Variants in USP32 observed in about 807,000 individuals in gnomAD.
The protein encoded by USP32 is ubiquitin specific peptidase 32, also known as ubiquitin carboxyl-terminal hydrolase 32.
Under a neutral mutation model 204.8 loss-of-function variants are expected in USP32, and 59 were observed. That is an observed-to-expected ratio of 0.29 (90% CI 0.23 to 0.36). USP32 has a LOEUF of 0.36. Ranked by LOEUF, USP32 falls within the 10% of genes least tolerant of loss-of-function variation. The pLI, the probability that USP32 is intolerant of heterozygous loss-of-function variation, is 1.00. For synonymous variants in USP32, 517 were observed against 678.4 expected, an observed-to-expected ratio of 0.76 and a Z score of 3.70; for missense variants, 1,160 against 1,946.4, an observed-to-expected ratio of 0.60 and a Z score of 7.60.
chr17:60,382,056 A>G (rs943279760), intron 1 of USP32, among the ~76,000 whole-genome samples: 7 of 152,212 alleles, frequency 4.6e-5, no homozygotes. Context: ...AAACCCTGAC[A>G]AGATTTAGTG....
intron 1 of USP32, among the ~76,000 whole-genome samples, chr17:60,420,625 C>A (rs1161335287): frequency 6.6e-6 from 1 of 152,196 alleles, no homozygotes; most frequent in East Asian, 1.9e-4. Flanking sequence ...CGAGATCACG[C>A]CATTGCTCCA....
At chr17:60,282,689 T>C (rs1432565523) in intron 5 of USP32, among the ~76,000 whole-genome samples, 1 of 152,222 alleles carries the variant, frequency 6.6e-6, no homozygotes, top group Non-Finnish European at 1.5e-5. Context: ...CCCCATGCTA[T>C]GAAGTTGTTA....
intron 26 of USP32, among the ~76,000 whole-genome samples, chr17:60,203,729 AC>A (rs1258589848): frequency 6.6e-6 from 1 of 152,052 alleles, no homozygotes; most frequent in Admixed American, 6.6e-5. Flanking sequence ...GGCGTGTGCC[AC>A]CATGCCTGGC....
chr17:60,333,044 T>A (rs1235346096), intron 2 of USP32, among the ~76,000 whole-genome samples: 1 of 152,120 alleles, frequency 6.6e-6, no homozygotes, highest in Non-Finnish European at 1.5e-5. Flanking sequence ...TGAAAAAAAA[T>A]TACTGGTATC....
chr17:60,388,171 C>T (rs778745063), intron 1 of USP32, among the ~76,000 whole-genome samples: 2 of 152,068 alleles, frequency 1.3e-5, no homozygotes, highest in Non-Finnish European at 2.9e-5. Flanking sequence ...GTTCATCACT[C>T]AGCTACTAAG....
rs758528054 is a variant in USP32, at chr17:60,368,991, A to ATTTTTTTTTTTTTTTTTT, written c.58+22873_58+22890dup. 2.6e-3 allele frequency among the ~76,000 whole-genome samples: 298 copies of ATTTTTTTTTTTTTTTTTT among 114,070 alleles called. 12 individuals are homozygous for ATTTTTTTTTTTTTTTTTT. Among genetic ancestry groups the ATTTTTTTTTTTTTTTTTT allele is most frequent in the African/African-American group, 5.4e-3 (105 of 19,576 alleles). The allele number at this position is 114,070 out of a possible 152,430, so 74.8% of individuals were successfully genotyped here. A position where few individuals can be genotyped will look rare whatever the true frequency, so the allele number is the denominator to read the frequency against. ...ACATACACGAATTATTTTTTAAAAG[A>ATTTTTTTTTTTTTTTTTT]TTTTTTTTTTTTTTTTTTTTTGAGA... is the stretch of plus-strand genomic sequence containing the variant. On this transcript the variant is annotated intron_variant, in intron 1 of 33. Transcript: ENST00000300896.
At position 60,265,410 on chromosome 17, in the gene USP32, A is replaced by C; in HGVS notation, c.990+2T>G. 6.3e-7 allele frequency: 1 copy of C among 1,592,720 alleles called. No homozygotes were observed. Among genetic ancestry groups the C allele is most frequent in the Non-Finnish European group, 8.6e-7 (1 of 1,162,790 alleles). ...AGATAAATTAGTTCTATCTAGACTC[A>C]CCTTTGTGGTGTCATGTGCATTCAG... On this transcript the variant is annotated splice_donor_variant, in intron 9 of 33. Transcript: ENST00000300896. LOFTEE classifies it high-confidence loss of function.
At chr17:60,243,513 A>G (rs2085932394) in intron 11 of USP32, among the ~76,000 whole-genome samples, 1 of 152,190 alleles carries the variant, frequency 6.6e-6, no homozygotes, top group Non-Finnish European at 1.5e-5. Context: ...TAGAGTGAGG[A>G]ATTTCCCTTC....
rs376555786 is a variant in USP32, at chr17:60,269,519, T to C, written c.742A>G (p.Ile248Val). The C allele has an allele frequency of 6.8e-6, 11 of 1,610,814 alleles. No homozygotes were observed. Among genetic ancestry groups the C allele is most frequent in the Non-Finnish European group, 9.3e-6 (11 of 1,179,140 alleles). The change falls in exon 7 of 34, where the codon ATA (isoleucine) becomes GTA (valine). Residue 248 changes from isoleucine to valine, a missense_variant. Coordinates refer to ENST00000300896, the MANE Select transcript of USP32 (RefSeq NM_032582.4). ...CCACAGGATATCTCCTTAAAATCTA[T>C]GTGATTGTCACGATTTTCATCAAAA... is the stretch of plus-strand genomic sequence containing the variant. ...NAFDENRDNH[I>V]DFKEISCGLS...
intron 12 of USP32, among the ~76,000 whole-genome samples, chr17:60,230,054 T>A (rs1467291538): frequency 6.6e-6 from 1 of 152,202 alleles, no homozygotes; most frequent in Non-Finnish European, 1.5e-5. Context: ...CCTCAGGTGA[T>A]CCACCTGCCT....
chr17:60,231,845 A>C (rs2085560555), intron 12 of USP32, among the ~76,000 whole-genome samples: 2 of 152,224 alleles, frequency 1.3e-5, no homozygotes, highest in Admixed American at 1.3e-4. Flanking sequence ...TAGAAGAATA[A>C]AGCTTGACAC....
intron 33 of USP32, among the ~76,000 whole-genome samples, chr17:60,179,992 T>A (rs1197051008): frequency 6.7e-6 from 1 of 150,218 alleles, no homozygotes; most frequent in Non-Finnish European, 1.5e-5. Context: ...ATTCTAACAG[T>A]CTAGAAGATA....
intron 27 of USP32, among the ~76,000 whole-genome samples, chr17:60,195,956 CACAA>C (rs768407456): frequency 3.9e-4 from 60 of 152,316 alleles, no homozygotes; most frequent in Admixed American, 1.4e-3. Flanking sequence ...TACCACCATT[CACAA>C]ACAATTGTTC....
At chr17:60,389,851 C>T (rs1225246806) in intron 1 of USP32, among the ~76,000 whole-genome samples, 1 of 151,752 alleles carries the variant, frequency 6.6e-6, no homozygotes, top group Non-Finnish European at 1.5e-5. Context: ...CCCGTCTCTA[C>T]TAAAAATACA....
chr17:60,330,925 G>T (rs1244242211), intron 2 of USP32, among the ~76,000 whole-genome samples: 1 of 152,060 alleles, frequency 6.6e-6, no homozygotes, highest in Non-Finnish European at 1.5e-5. Context: ...AAGTTTCCAA[G>T]TCAATGGTAG....
intron 1 of USP32, chr17:60,421,715 G>C (rs1183292764): frequency 3.7e-6 from 3 of 801,694 alleles, no homozygotes; most frequent in Non-Finnish European, 4.5e-6. Flanking sequence ...GGCCCTGCCC[G>C]GCCAACTCAG....
At chr17:60,415,834 TTTTG>T (rs1156818085) in intron 1 of USP32, among the ~76,000 whole-genome samples, 5 of 152,128 alleles carry the variant, frequency 3.3e-5, no homozygotes, top group Non-Finnish European at 7.4e-5. Flanking sequence ...GTGGTGTTTT[TTTTG>T]TTTATTTGTT....
chr17:60,204,374 T>C (rs1014060064), intron 26 of USP32, among the ~76,000 whole-genome samples: 4 of 151,634 alleles, frequency 2.6e-5, no homozygotes, highest in African/African-American at 9.7e-5. Context: ...TGGAGTGGAG[T>C]GGTTATTTAC....
chr17:60,323,216 A>G (rs1348963288), intron 2 of USP32, among the ~76,000 whole-genome samples: 2 of 152,198 alleles, frequency 1.3e-5, no homozygotes, highest in Non-Finnish European at 2.9e-5. Flanking sequence ...ATTATTTATA[A>G]TAACAAAAAA....
Sources: allele counts gnomAD v4.1 joint callset (sites outside exome capture counted in the v4.1 genomes callset), GRCh38; gene constraint gnomAD v4.1.1; transcripts MANE v1.5; gene names NCBI Gene and HGNC (gene_info 2026-07-23, HGNC 2026-07-21).